Variants in PHC3 observed in about 807,000 individuals in gnomAD.
The protein encoded by PHC3 is polyhomeotic homolog 3, also known as polyhomeotic-like protein 3.
Under a neutral mutation model 107.4 loss-of-function variants are expected in PHC3, and 13 were observed. The ratio of observed to expected loss-of-function variants is 0.12; its 90% CI spans 0.08 to 0.19. The LOEUF (loss-of-function observed/expected upper bound fraction) is 0.19. PHC3 is among the 10% of genes least tolerant of loss of function. PHC3 has a pLI of 1.00. For synonymous variants in PHC3, 456 were observed against 427.4 expected (o/e 1.07, Z -0.83); for missense variants, 992 against 1,210.9 (o/e 0.82, Z 2.68).
chr3:170,136,544 G>T lies in PHC3; in HGVS notation c.794C>A (p.Thr265Asn), dbSNP rs1723103689. 2 of 1,612,776 alleles carry T rather than the reference G, an allele frequency of 1.2e-6. No individual in the cohort carries two copies. The highest frequency in any genetic ancestry group is 1.7e-6 in the Non-Finnish European group (2 of 1,179,470). ...ATCTCGTTGGCTGATTTTAGAACTG[G>T]TCACTGTTGTTTTGTTATGACAAAT... Reference protein sequence around the residue: ...LTICHNKTTVTSSKISQRDPS... With the variant: ...LTICHNKTTVNSSKISQRDPS... Residue 265 changes from threonine to asparagine, a missense_variant, in exon 7 of 15, where the codon ACC (threonine) becomes AAC (asparagine). Coordinates refer to ENST00000495893, the MANE Select transcript of PHC3 (RefSeq NM_024947.4).
intron 8 of PHC3, among the ~76,000 whole-genome samples, chr3:170,124,919 A>C (rs565652156): frequency 6.6e-6 from 1 of 152,290 alleles, no homozygotes; most frequent in South Asian, 2.1e-4. Context: ...AAATAAAATA[A>C]AATAAAATAA....
chr3:170,180,027 T>C (rs991961487), intron 1 of PHC3, among the ~76,000 whole-genome samples: 1 of 152,066 alleles, frequency 6.6e-6, no homozygotes, highest in Non-Finnish European at 1.5e-5. Context: ...CTGGCACTAA[T>C]TGGTACACAT....
chr3:170,178,761 C>T lies in PHC3; in HGVS notation c.180+12G>A. ...TTAAGTCTTAGACTACCCATCACTA[C>T]AGCTGAAATACCTGTACAGCATGTC... On this transcript the variant is annotated intron_variant, in intron 2 of 14. Transcript: ENST00000495893. 1 of 1,613,590 alleles carries T rather than the reference C, an allele frequency of 6.2e-7. No individual in the cohort carries two copies. The highest frequency in any genetic ancestry group is 8.5e-7 in the Non-Finnish European group (1 of 1,179,506).
Position 170,089,504 on chromosome 3 carries a change from G to C in PHC3, c.*7726C>G, listed in dbSNP as rs1239383600. On this transcript the variant is annotated 3_prime_UTR_variant, in exon 15 of 15. Transcript: ENST00000495893. ...ACATATCTTTAAAAGTTGGATATTTGTAATAGCTTAAAGTACAGTAACACT... is the reference window on the plus strand; with the variant it reads ...ACATATCTTTAAAAGTTGGATATTTCTAATAGCTTAAAGTACAGTAACACT... 2.0e-5 allele frequency: 3 copies of C among 152,192 alleles called. No individual in the cohort carries two copies. Among genetic ancestry groups the C allele is most frequent in the Admixed American group, 1.3e-4 (2 of 15,284 alleles). The allele number at this position is 152,192 out of a possible 1,614,324, so 9.4% of individuals were successfully genotyped here. A position where few individuals can be genotyped will look rare whatever the true frequency, so the allele number is the denominator to read the frequency against.
intron 1 of PHC3, 133 bp downstream of exon 1, chr3:170,181,569 G>T (rs2108812460): frequency 7.4e-7 from 1 of 1,346,304 alleles, no homozygotes. Context: ...GCTCCTCCAC[G>T]ATAGGACGGG....
chr3:170,162,859 T>C (rs937053880), intron 4 of PHC3, among the ~76,000 whole-genome samples: 1 of 152,232 alleles, frequency 6.6e-6, no homozygotes, highest in Non-Finnish European at 1.5e-5. Flanking sequence ...CCAGCCACAC[T>C]GTCCTCCTTT....
In PHC3 at chr3:170,129,300, G is replaced by A. The variant is rs777439696; in HGVS notation, c.1172C>T (p.Pro391Leu). 4 of 1,613,924 alleles carry A rather than the reference G, an allele frequency of 2.5e-6. No individual in the cohort carries two copies. The highest frequency in any genetic ancestry group is 3.4e-6 in the Non-Finnish European group (4 of 1,179,878). The change falls in exon 8 of 15, where the codon CCC becomes CTC. Residue 391 changes from proline to leucine, a missense_variant. This residue lies in a region of PHC3 where 543 missense variants were observed against 590.8 expected (regional missense o/e 0.92). Coordinates refer to ENST00000495893, the MANE Select transcript of PHC3 (RefSeq NM_024947.4). ...SQHCSPIQSH[P>L]SPLTVSPNQS... ...ATTAGGAGACACTGTTAAAGGAGAG[G>A]GATGACTCTGAATCGGTGAACAATG... is the stretch of plus-strand genomic sequence containing the variant.
At chr3:170,159,560 T>C (rs1727515873) in intron 4 of PHC3, among the ~76,000 whole-genome samples, 1 of 152,154 alleles carries the variant, frequency 6.6e-6, no homozygotes, top group Non-Finnish European at 1.5e-5. Context: ...AGAAAATTAA[T>C]TTCTCGTGGA....
intron 7 of PHC3, among the ~76,000 whole-genome samples, chr3:170,130,561 G>C (rs1351191477): frequency 1.3e-5 from 2 of 152,114 alleles, no homozygotes; most frequent in Non-Finnish European, 2.9e-5. Context: ...TTTGCTTGCA[G>C]AGAATGAGAC....
In PHC3 at chr3:170,117,088, A is replaced by G. The variant is rs1577029579; in HGVS notation, c.2193+138T>C. The stretch of plus-strand genomic sequence containing the variant: ...AAACATTTGGAAATAAAGGAAGTAG[A>G]AAGATAAATGCTAGATTAAAATGGA... On this transcript the variant is annotated intron_variant, in intron 10 of 14. Transcript: ENST00000495893. 2.8e-6 allele frequency: 3 copies of G among 1,079,752 alleles called. No homozygotes were observed. In the East Asian group the frequency reaches 7.8e-5, roughly 28 times the overall value. 66.9% of individuals were successfully genotyped at this position (1,079,752 alleles called of 1,614,324 possible).
At chr3:170,173,184 C>A (rs1474869711) in intron 2 of PHC3, among the ~76,000 whole-genome samples, 17 of 150,910 alleles carry the variant, frequency 1.1e-4, no homozygotes, top group Non-Finnish European at 2.1e-4. Context: ...CACAGCAAGA[C>A]TCCCATCTCA....
chr3:170,154,450 T>C (rs1726557083), intron 4 of PHC3, among the ~76,000 whole-genome samples: 1 of 151,974 alleles, frequency 6.6e-6, no homozygotes, highest in Non-Finnish European at 1.5e-5. Context: ...TGGTGATTCT[T>C]TCAAAAAACA....
At chr3:170,148,105 C>T (rs944691006) in intron 5 of PHC3, 2 of 152,090 alleles carry the variant, frequency 1.3e-5, no homozygotes, top group African/African-American at 4.8e-5. Context: ...CCCGTCTCTA[C>T]TAAAAATACA....
Position 170,172,682 on chromosome 3 carries a change from T to TG in PHC3, c.210dup (p.Ser71GlnfsTer136). ...TGCTGAAGGTACTGAGCAGCTGAGC[T>TG]GGGGGGCCGATGCAATGCCTGTTGA... On this transcript the variant is annotated frameshift_variant, in exon 3 of 15. Transcript: ENST00000495893. LOFTEE classifies it high-confidence loss of function. 6.2e-7 allele frequency: 1 copy of TG among 1,610,528 alleles called. No individual in the cohort carries two copies. The highest frequency in any genetic ancestry group is 8.5e-7 in the Non-Finnish European group (1 of 1,177,314).
intron 9 of PHC3, among the ~76,000 whole-genome samples, chr3:170,120,169 C>A (rs1234800993): frequency 6.6e-6 from 1 of 152,150 alleles, no homozygotes; most frequent in Non-Finnish European, 1.5e-5. Context: ...ATAAAACTTA[C>A]ATTTCTGCCT....
At chr3:170,158,370 G>A (rs955603459) in intron 4 of PHC3, among the ~76,000 whole-genome samples, 1 of 151,468 alleles carries the variant, frequency 6.6e-6, no homozygotes, top group South Asian at 2.1e-4. Context: ...ACAAAAAATC[G>A]AGGCAGGCGA....
In PHC3 at chr3:170,175,027, A is replaced by G. The variant is rs148062187; in HGVS notation, c.181-2315T>C. Among the ~76,000 whole-genome samples the G allele has an allele frequency of 5.7e-3, 869 of 152,316 alleles. 13 individuals carry two copies. The highest frequency in any genetic ancestry group is 0.02 in the African/African-American group (835 of 41,562). ...TTTTCTGTTGTCAGCACAGTCTTTC[A>G]CTACTATTCAATTACTCACAGCAAT... On this transcript the variant is annotated intron_variant, in intron 2 of 14. Coordinates refer to ENST00000495893, the MANE Select transcript of PHC3 (RefSeq NM_024947.4).
chr3:170,169,730 A>G (rs1729290847), intron 4 of PHC3: 1 of 152,262 alleles, frequency 6.6e-6, no homozygotes, highest in African/African-American at 2.4e-5. Flanking sequence ...CAGTTTAAAA[A>G]GATACCTTTT....
At chr3:170,156,456 A>G (rs1726916995) in intron 4 of PHC3, among the ~76,000 whole-genome samples, 1 of 152,002 alleles carries the variant, frequency 6.6e-6, no homozygotes, top group African/African-American at 2.4e-5. Context: ...GAGTTTCGCC[A>G]TGTTGGCCAG....
Sources: allele counts gnomAD v4.1 joint callset (sites outside exome capture counted in the v4.1 genomes callset), GRCh38; gene constraint gnomAD v4.1.1; regional missense constraint gnomAD v4.1.1; transcripts MANE v1.5; gene names NCBI Gene and HGNC (gene_info 2026-07-23, HGNC 2026-07-21).